Variants in CLMP observed in about 807,000 individuals in gnomAD.
CLMP encodes the protein CXADR-like membrane protein.
Under a neutral mutation model 45.2 loss-of-function variants are expected in CLMP, and 27 were observed. That is an observed-to-expected ratio of 0.60 (90% CI 0.44 to 0.82). The LOEUF is 0.82. Ranked by LOEUF, CLMP falls within the 40% of genes least tolerant of loss-of-function variation. CLMP has a pLI of 0.00. For synonymous variants in CLMP, 167 were observed against 171.4 expected, an observed-to-expected ratio of 0.97 and a Z score of 0.20; for missense variants, 403 against 448.4, an observed-to-expected ratio of 0.90 and a Z score of 0.91.
intron 1 of CLMP, among the ~76,000 whole-genome samples, chr11:123,145,457 T>TG (rs1410206919): frequency 9.0e-5 from 8 of 88,918 alleles, no homozygotes; most frequent in African/African-American, 3.5e-4. Flanking sequence ...CGGCTGTTTT[T>TG]TTTTTTTTTT....
At chr11:123,117,904 A>G (rs1177627209) in intron 1 of CLMP, among the ~76,000 whole-genome samples, 1 of 152,194 alleles carries the variant, frequency 6.6e-6, no homozygotes, top group Non-Finnish European at 1.5e-5. Flanking sequence ...GAAAGGCAGT[A>G]ATTCACTCTC....
At position 123,150,480 on chromosome 11, in the gene CLMP, A is replaced by AAAGAAAGAAAGAAAGAAAGG. The variant is rs764502298; in HGVS notation, c.28+44432_28+44433insCCTTTCTTTCTTTCTTTCTT. ...GAAAGAAAGAAAGAAAGAAAGAAAG[A>AAAGAAAGAAAGAAAGAAAGG]AAGGAAGGAAGGAAGGAAGGAAGGA... On this transcript the variant is annotated intron_variant, in intron 1 of 6. Coordinates refer to ENST00000448775, the MANE Select transcript of CLMP (RefSeq NM_024769.5). Among the ~76,000 whole-genome samples, 55 of 40,820 alleles carry AAAGAAAGAAAGAAAGAAAGG rather than the reference A, an allele frequency of 1.3e-3. 1 individual carries two copies. The highest frequency in any genetic ancestry group is 2.2e-3 in the Admixed American group (8 of 3,718). The allele number at this position is 40,820 out of a possible 152,430, so 26.8% of individuals were successfully genotyped here.
At chr11:123,076,553 A>T (rs552773633) in intron 5 of CLMP, among the ~76,000 whole-genome samples, 1 of 152,292 alleles carries the variant, frequency 6.6e-6, no homozygotes, top group South Asian at 2.1e-4. Context: ...TGAGGAGGTG[A>T]CATTTGAGTT....
chr11:123,185,563 C>T (rs1861823397), intron 1 of CLMP, among the ~76,000 whole-genome samples: 1 of 152,218 alleles, frequency 6.6e-6, no homozygotes, highest in African/African-American at 2.4e-5. Flanking sequence ...GGCCTCCCCT[C>T]CCTGGGGATG....
intron 1 of CLMP, among the ~76,000 whole-genome samples, chr11:123,154,315 C>A (rs1000633421): frequency 6.6e-6 from 1 of 152,092 alleles, no homozygotes; most frequent in Non-Finnish European, 1.5e-5. Flanking sequence ...AAAACTTGCC[C>A]CCTATCCTAT....
intron 1 of CLMP, among the ~76,000 whole-genome samples, chr11:123,136,560 ATTTT>A (rs34074982): frequency 1.2e-3 from 105 of 85,874 alleles, no homozygotes; most frequent in African/African-American, 4.7e-3. Context: ...CTTTTAAGTA[ATTTT>A]TTTTTTTTTT....
chr11:123,175,111 G>C (rs1160844509), intron 1 of CLMP, among the ~76,000 whole-genome samples: 1 of 152,080 alleles, frequency 6.6e-6, no homozygotes, highest in Non-Finnish European at 1.5e-5. Context: ...GCACCACCAT[G>C]CCTGACTTAT....
chr11:123,150,513 AAGGAAGGAAGGAAGGAAAGAAAC>A lies in CLMP; in HGVS notation c.28+44377_28+44399del, dbSNP rs1415918650. Among the ~76,000 whole-genome samples the A allele has an allele frequency of 3.1e-3, 415 of 131,938 alleles. 2 individuals carry two copies. Among genetic ancestry groups the A allele is most frequent in the Middle Eastern group, 4.0e-3 (1 of 248 alleles). The allele number at this position is 131,938 out of a possible 152,430, so 86.6% of individuals were successfully genotyped here. ...GAAGGAAGGAAGGAAGGAAGGAAGG[AAGGAAGGAAGGAAGGAAAGAAAC>A]AAGCAAGGAAGGAAGGAAGGAAGGA... On this transcript the variant is annotated intron_variant, in intron 1 of 6. Transcript: ENST00000448775.
chr11:123,100,143 G>A (rs1866038466), intron 1 of CLMP, among the ~76,000 whole-genome samples: 1 of 152,160 alleles, frequency 6.6e-6, no homozygotes, highest in Non-Finnish European at 1.5e-5. Context: ...GGCTGAGGAG[G>A]GCAGATCAAC....
intron 1 of CLMP, among the ~76,000 whole-genome samples, chr11:123,118,818 A>G (rs1198459030): frequency 6.6e-6 from 1 of 151,654 alleles, no homozygotes; most frequent in Non-Finnish European, 1.5e-5. Context: ...GCTGCCTCAC[A>G]CTCACGTACT....
intron 2 of CLMP, among the ~76,000 whole-genome samples, chr11:123,097,334 T>TTTTCTTTCTTTC (rs113269566): frequency 2.6e-5 from 4 of 151,474 alleles, no homozygotes; most frequent in Admixed American, 2.6e-4. Flanking sequence ...TCTGGCTAAT[T>TTTTCTTTCTTTC]TTTCTTTCTT....
At chr11:123,169,685 C>A (rs1353883154) in intron 1 of CLMP, among the ~76,000 whole-genome samples, 1 of 152,114 alleles carries the variant, frequency 6.6e-6, no homozygotes, top group Non-Finnish European at 1.5e-5. Context: ...GTGACCATGG[C>A]CCATAACACA....
chr11:123,082,902 T>A (rs1865822415), intron 5 of CLMP, among the ~76,000 whole-genome samples, 183 bp downstream of exon 5: 1 of 152,156 alleles, frequency 6.6e-6, no homozygotes, highest in African/African-American at 2.4e-5. Flanking sequence ...CCACTGTGCC[T>A]GGCCAGTCAA....
chr11:123,116,341 C>A (rs57039623), intron 1 of CLMP, among the ~76,000 whole-genome samples: 1 of 151,762 alleles, frequency 6.6e-6, no homozygotes, highest in East Asian at 1.9e-4. Flanking sequence ...CCGAGACAGG[C>A]GGATCACCTG....
chr11:123,174,956 T>A (rs1404590769), intron 1 of CLMP, among the ~76,000 whole-genome samples: 1 of 152,028 alleles, frequency 6.6e-6, no homozygotes, highest in African/African-American at 2.4e-5. Context: ...AGTGGTAGCT[T>A]TTCTTTGGTG....
chr11:123,139,564 C>T (rs538474988), intron 1 of CLMP, among the ~76,000 whole-genome samples: 1 of 152,282 alleles, frequency 6.6e-6, no homozygotes, highest in African/African-American at 2.4e-5. Flanking sequence ...CTGTGGCTCA[C>T]GCCTGTAATG....
At chr11:123,169,234 TA>T (rs1260242783) in intron 1 of CLMP, among the ~76,000 whole-genome samples, 6 of 152,168 alleles carry the variant, frequency 3.9e-5, no homozygotes, top group Admixed American at 2.6e-4. Context: ...ACAAGCCTCA[TA>T]TATATTTATG....
intron 1 of CLMP, among the ~76,000 whole-genome samples, chr11:123,104,737 T>C (rs1478931875): frequency 6.6e-6 from 1 of 152,154 alleles, no homozygotes; most frequent in Non-Finnish European, 1.5e-5. Flanking sequence ...GCTGAGCTTG[T>C]CTGCCATCTG....
intron 2 of CLMP, among the ~76,000 whole-genome samples, chr11:123,090,346 C>G (rs1865916556): frequency 6.6e-6 from 1 of 150,948 alleles, no homozygotes; most frequent in Non-Finnish European, 1.5e-5. Context: ...CCCAGGTACT[C>G]AGGAGGTGGA....
Sources: gnomAD v4.1 joint callset for allele counts (sites outside exome capture counted in the v4.1 genomes callset) on GRCh38, gnomAD v4.1.1 for gene constraint, MANE v1.5 for transcripts, NCBI Gene and HGNC (gene_info 2026-07-23, HGNC 2026-07-21) for gene names.